Variants in NT5DC2 observed in about 807,000 individuals in gnomAD.
The protein encoded by NT5DC2 is 5'-nucleotidase domain containing 2, also known as 5'-nucleotidase domain-containing protein 2.
In NT5DC2, 41 loss-of-function variants were observed where a neutral mutation model predicts 70.0. The ratio of observed to expected loss-of-function variants is 0.59; its 90% CI spans 0.46 to 0.76. The LOEUF (loss-of-function observed/expected upper bound fraction) is 0.76. Among genes scored for constraint, NT5DC2 ranks in the 30% least tolerant of loss-of-function variants. The pLI is 0.00. For missense variants in NT5DC2, 705 were observed against 783.2 expected, an observed-to-expected ratio of 0.90 and a Z score of 1.19; for synonymous variants, 299 against 310.4, an observed-to-expected ratio of 0.96 and a Z score of 0.39.
At chr3:52,525,396 G>T in intron 10 of NT5DC2, 101 bp from the exon 11 acceptor site, 1 of 856,114 alleles carries the variant, frequency 1.2e-6, no homozygotes, top group South Asian at 1.6e-5. Context: ...GCCGGATGCT[G>T]GCTGCCCTTT....
chr3:52,524,894 AGT>A lies in NT5DC2; in HGVS notation c.1348-15_1348-14del, dbSNP rs748503568. ...CGTCCTGATAGGTCTGGGGACACAAAGTGTGCATTGGGTGTGTGCACCCAGGA... is the reference window on the plus strand; with the variant it reads ...CGTCCTGATAGGTCTGGGGACACAAAGTGCATTGGGTGTGTGCACCCAGGA... On this transcript the variant is annotated splice_polypyrimidine_tract_variant and intron_variant, in intron 12 of 13. Coordinates refer to ENST00000422318, the MANE Select transcript of NT5DC2 (RefSeq NM_001134231.2). 5.6e-6 allele frequency: 9 copies of A among 1,611,938 alleles called. No individual in the cohort carries two copies. The highest frequency in any genetic ancestry group is 2.2e-5 in the East Asian group (1 of 44,816).
rs775282977 is a variant in NT5DC2 at position 52,524,490 on chromosome 3, C to T, written c.1654G>A (p.Asp552Asn). ...TGCMKTPFLG[D>N]MAHIR Reference sequence around the variant, plus strand: ...TGCCCTCAGCGGATGTGGGCCATGTCACCAAGGAAGGGGGTCTTCATGCAG... The same window carrying T: ...TGCCCTCAGCGGATGTGGGCCATGTTACCAAGGAAGGGGGTCTTCATGCAG... Residue 552 changes from aspartate to asparagine, a missense_variant, in exon 14 of 14, where the codon GAC becomes AAC. Asp to Asn is a conservative substitution (Grantham distance 23, BLOSUM62 1). Transcript: ENST00000422318. 1 of 1,612,866 alleles carries T rather than the reference C, an allele frequency of 6.2e-7. No individual in the cohort carries two copies. The highest frequency in any genetic ancestry group is 8.5e-7 in the Non-Finnish European group (1 of 1,180,012).
rs2079301270 is a variant in NT5DC2 at position 52,527,860 on chromosome 3, A to G, written c.904T>C (p.Phe302Leu). ...SRLVAHGKQL[F>L]LITNSPFSFV... is the part of the protein sequence containing the mutation. Reference sequence around the variant, plus strand: ...CTGAAAGGACTGTTGGTGATGAGGAACAGCTGTTTCCCATGGGCCACCAGG... The same window carrying G: ...CTGAAAGGACTGTTGGTGATGAGGAGCAGCTGTTTCCCATGGGCCACCAGG... Residue 302 changes from phenylalanine to leucine, a missense_variant, in exon 8 of 14, where the codon TTC (phenylalanine) becomes CTC (leucine). Coordinates refer to ENST00000422318, the MANE Select transcript of NT5DC2 (RefSeq NM_001134231.2). The G allele has an allele frequency of 6.2e-6, 10 of 1,613,402 alleles. No homozygotes were observed. The highest frequency in any genetic ancestry group is 8.5e-6 in the Non-Finnish European group (10 of 1,180,006).
At chr3:52,533,972 C>T (rs2079397683), upstream of NT5DC2, 1 of 376,680 alleles carries the variant, frequency 2.7e-6, no homozygotes, top group South Asian at 1.1e-4. Context: ...AGCCCCCTCC[C>T]CCAGCCAGTC....
intron 10 of NT5DC2, among the ~76,000 whole-genome samples, chr3:52,527,022 T>C (rs565196493): frequency 1.3e-5 from 2 of 152,228 alleles, no homozygotes; most frequent in South Asian, 2.1e-4. Flanking sequence ...ACACCTCTTT[T>C]GCAGACAAGG....
intron 10 of NT5DC2, 114 bp from the exon 11 acceptor site, chr3:52,525,409 C>T: frequency 2.7e-6 from 2 of 745,750 alleles, no homozygotes; most frequent in Non-Finnish European, 4.6e-6. Context: ...TGCCCTTTCC[C>T]ATGGCCTTGC....
At position 52,528,065 on chromosome 3, in the gene NT5DC2, G is replaced by A. The variant is rs1320250263; in HGVS notation, c.780C>T (p.Ile260=). ...AHLYKDVTDA[I]RDVHVKGLMY... ...TGAGGCCCTTCACATGCACGTCTCG[G>A]ATGGCGTCCTGGGGGCAGTGGAGGA... The change falls in exon 7 of 14, where the codon ATC becomes ATT. Residue 260 remains isoleucine, a synonymous_variant. Transcript: ENST00000422318. 1.2e-6 allele frequency: 2 copies of A among 1,612,354 alleles called. No homozygotes were observed. Among genetic ancestry groups the A allele is most frequent in the Non-Finnish European group, 8.5e-7 (1 of 1,179,616 alleles).
rs746239315 is a variant in NT5DC2, at chr3:52,525,089, C to A, written c.1221G>T (p.Arg407=). 2.1e-6 allele frequency: 3 copies of A among 1,460,066 alleles called. No homozygotes were observed. The highest frequency in any genetic ancestry group is 1.2e-5 in the South Asian group (1 of 86,268). 90.4% of individuals were successfully genotyped at this position (1,460,066 alleles called of 1,614,324 possible). A position where few individuals can be genotyped will look rare whatever the true frequency, so the allele number is the denominator to read the frequency against. Residue 407 remains arginine (R), a synonymous_variant, in exon 12 of 14, where the codon CGG becomes CGT. Transcript: ENST00000422318. ...LYSDLADLML[R]HGWRTGAIIP... is the part of the protein sequence containing the mutation. ...TGATGGCGCCTGTGCGCCAGCCGTG[C>A]CGCAGCATGAGATCCTGGTGGGTGG...
intron 1 of NT5DC2, chr3:52,532,632 T>A (rs2079376278): frequency 2.7e-6 from 1 of 372,202 alleles, no homozygotes; most frequent in Non-Finnish European, 3.7e-6. Context: ...CTGCTTGGCC[T>A]GGTTCCAGTC....
At position 52,528,679 on chromosome 3, in the gene NT5DC2, T is replaced by C. The variant is rs1350565613; in HGVS notation, c.506A>G (p.Lys169Arg). ...HYDIQKSLLMKIDAFHYVQLG... is the reference protein window; with the variant it reads ...HYDIQKSLLMRIDAFHYVQLG... ...CTGCACGTAGTGGAAGGCGTCAATC[T>C]TCATCAGAAGGCTCTGGGGGCGCCA... is the stretch of plus-strand genomic sequence containing the variant. Residue 169 changes from lysine (K) to arginine (R), a missense_variant, in exon 4 of 14, where the codon AAG becomes AGG. Physicochemically the swap from Lys to Arg is conservative, Grantham distance 26. Coordinates refer to ENST00000422318, the MANE Select transcript of NT5DC2 (RefSeq NM_001134231.2). 1 of 1,597,626 alleles carries C rather than the reference T, an allele frequency of 6.3e-7. No homozygotes were observed. The highest frequency in any genetic ancestry group is 1.8e-4 in the Middle Eastern group (1 of 5,634).
rs1167005050 is a variant in NT5DC2 at position 52,529,184 on chromosome 3, C to A, written c.383G>T (p.Ser128Ile). The change falls in exon 2 of 14, where the codon AGT (serine) becomes ATT (isoleucine). Residue 128 changes from serine to isoleucine, a missense_variant. Physicochemically the swap from Ser to Ile is moderately radical, Grantham distance 142. Transcript: ENST00000422318. This position sits in a 1 kb window ranked among gnomAD's most constrained non-coding sequence, Gnocchi z 4.1. Reference protein sequence around the residue: ...YADALHPEIFSTARDILIEHY... With the variant: ...YADALHPEIFITARDILIEHY... Reference sequence around the variant, plus strand: ...CTCGATCAGGATGTCACGGGCGGTACTGAAGATCTCGGGGTGCAGTGCGTC... The same window carrying A: ...CTCGATCAGGATGTCACGGGCGGTAATGAAGATCTCGGGGTGCAGTGCGTC... 3.1e-6 allele frequency: 5 copies of A among 1,614,024 alleles called. No homozygotes were observed. Among genetic ancestry groups the A allele is most frequent in the South Asian group, 1.1e-5 (1 of 91,088 alleles).
rs1260042906 is a variant in NT5DC2 at position 52,528,088 on chromosome 3, G to A, written c.772-15C>T. On this transcript the variant is annotated splice_polypyrimidine_tract_variant and intron_variant, in intron 6 of 13. Transcript: ENST00000422318. ...CGGATGGCGTCCTGGGGGCAGTGGA[G>A]GACAATGAGGGTACAGCAGGGCCCA... 6.2e-7 allele frequency: 1 copy of A among 1,612,808 alleles called. No homozygotes were observed. The highest frequency in any genetic ancestry group is 1.1e-5 in the South Asian group (1 of 91,034).
In NT5DC2 at chr3:52,524,387, C is replaced by A; in HGVS notation, c.*83G>T. 1 of 1,613,228 alleles carries A rather than the reference C, an allele frequency of 6.2e-7. No homozygotes were observed. Among genetic ancestry groups the A allele is most frequent in the Non-Finnish European group, 8.5e-7 (1 of 1,179,776 alleles). ...CTGGGGCTGAAAGCAGAAGCATGCA[C>A]AGGGAGGAGACCACTTTTATTGCTT... On this transcript the variant is annotated 3_prime_UTR_variant, in exon 14 of 14. Transcript: ENST00000422318.
upstream of NT5DC2, chr3:52,534,333 C>T (rs2153249007): frequency 1.2e-6 from 1 of 817,638 alleles, no homozygotes; most frequent in Non-Finnish European, 2.0e-6. Flanking sequence ...TGACCAGAGC[C>T]CGGGCCAGTC....
chr3:52,527,699 T>C lies in NT5DC2; in HGVS notation c.955A>G (p.Met319Val). Residue 319 changes from methionine (M) to valine (V), a missense_variant, in exon 9 of 14, where the codon ATG becomes GTG. By Grantham distance (21) the Met-to-Val change is conservative (BLOSUM62 1). Transcript: ENST00000422318. ...AGCTGGCGCCAATCGGGACCCACCA[T>C]GTGCCGCATCCCCTTGTCTCTGTGT... ...FSFVDKGMRHMVGPDWRQLFD... is the reference protein window; with the variant it reads ...FSFVDKGMRHVVGPDWRQLFD... The C allele has an allele frequency of 6.2e-7, 1 of 1,613,280 alleles. No individual in the cohort carries two copies. Among genetic ancestry groups the C allele is most frequent in the African/African-American group, 1.3e-5 (1 of 75,068 alleles).
At chr3:52,534,034 G>A, upstream of NT5DC2, 2 of 211,068 alleles carry the variant, frequency 9.5e-6, no homozygotes, top group Non-Finnish European at 1.7e-5. Context: ...TCACGCCGGC[G>A]ATGGCGGCGC....
chr3:52,525,324 C>T, intron 10 of NT5DC2, 29 bp from the exon 11 acceptor site: 1 of 1,568,434 alleles, frequency 6.4e-7, no homozygotes, highest in Non-Finnish European at 8.8e-7. Context: ...TGCTGCTGAG[C>T]CAAGTGTGCC....
At chr3:52,534,716 G>A (rs1344632251), upstream of NT5DC2, 8 of 1,553,422 alleles carry the variant, frequency 5.1e-6, no homozygotes, top group Admixed American at 1.4e-4. Context: ...AGGGTCCGGA[G>A]GAGGCCGACC....
chr3:52,528,957 G>T, intron 2 of NT5DC2, 22 bp from the exon 3 acceptor site: 1 of 1,613,480 alleles, frequency 6.2e-7, no homozygotes, highest in Non-Finnish European at 8.5e-7. Flanking sequence ...AAGGGGCCAG[G>T]CCTAAGCCAA....
Sources: allele counts gnomAD v4.1 joint callset (sites outside exome capture counted in the v4.1 genomes callset), GRCh38; gene constraint gnomAD v4.1.1; non-coding constraint Gnocchi (gnomAD v3.1); transcripts MANE v1.5; gene names NCBI Gene and HGNC (gene_info 2026-07-23, HGNC 2026-07-21).